The following USH2A variants were observed in gnomAD, a reference collection of about 807,000 sequenced individuals.
The protein encoded by USH2A is usherin, also known as Usher syndrome 2A (autosomal recessive, mild).
In USH2A, 443 loss-of-function variants were observed where a neutral mutation model predicts 538.9. That is an observed-to-expected ratio of 0.82 (90% confidence interval 0.76 to 0.89). USH2A has a LOEUF of 0.89. USH2A is among the 40% of genes least tolerant of loss of function. USH2A has a pLI of 0.00. For synonymous variants in USH2A, 2,413 were observed against 2,273.5 expected (o/e 1.06, Z -1.75); for missense variants, 6,633 against 6,324.8 (o/e 1.05, Z -1.65).
chr1:215,850,690 T>A (rs149679173), intron 44 of USH2A, among the ~76,000 whole-genome samples: 5 of 152,158 alleles, frequency 3.3e-5, no homozygotes, highest in Admixed American at 2.0e-4. Context: ...CTAGAACAAA[T>A]AGACTTAACA....
At chr1:216,138,302 T>C (rs1405344057) in intron 21 of USH2A, among the ~76,000 whole-genome samples, 2 of 152,134 alleles carry the variant, frequency 1.3e-5, no homozygotes, top group Admixed American at 1.3e-4. Context: ...AAATGCAGCA[T>C]TCAGTTGAAT....
chr1:215,648,878 G>A, intron 65 of USH2A, 112 bp from the exon 66 acceptor site: 5 of 1,025,524 alleles, frequency 4.9e-6, no homozygotes, highest in Non-Finnish European at 7.7e-6. Context: ...AGGCACTCTG[G>A]GAGACACAAC....
At chr1:216,234,129 G>A (rs1220504089) in intron 13 of USH2A, among the ~76,000 whole-genome samples, 1 of 152,046 alleles carries the variant, frequency 6.6e-6, no homozygotes, top group Non-Finnish European at 1.5e-5. Flanking sequence ...TATTATATAG[G>A]GAACAGCAAA....
rs562521679 is a variant in USH2A, at chr1:215,635,232, C to T, written c.15053-529G>A. On this transcript the variant is annotated intron_variant, in intron 69 of 71. Coordinates refer to ENST00000307340, the MANE Select transcript of USH2A (RefSeq NM_206933.4). ...TTTTGAAGCATCAGATTCCATTTTCCATTATGATATTAACAGCCTGTGTTT... is the reference window on the plus strand; with the variant it reads ...TTTTGAAGCATCAGATTCCATTTTCTATTATGATATTAACAGCCTGTGTTT... Among the ~76,000 whole-genome samples the T allele has an allele frequency of 1.5e-4, 23 of 152,278 alleles. 2 individuals are homozygous for T. The South Asian group carries it at 4.8e-3, about 32-fold the overall frequency.
intron 11 of USH2A, among the ~76,000 whole-genome samples, chr1:216,278,254 A>T (rs561039035): frequency 6.6e-6 from 1 of 152,272 alleles, no homozygotes; most frequent in Non-Finnish European, 1.5e-5. Flanking sequence ...GATGTATTCA[A>T]ACATGTGGAA....
chr1:216,260,519 C>T (rs533692344), intron 11 of USH2A, among the ~76,000 whole-genome samples: 110 of 152,234 alleles, frequency 7.2e-4, no homozygotes, highest in African/African-American at 2.5e-3. Flanking sequence ...GATATGTAGC[C>T]AGGGATTCTG....
At chr1:215,778,158 T>C (rs1427587532) in intron 55 of USH2A, among the ~76,000 whole-genome samples, 4 of 151,952 alleles carry the variant, frequency 2.6e-5, no homozygotes, top group African/African-American at 9.7e-5. Flanking sequence ...TTGGAGTGAT[T>C]CCCCTACCTC....
At chr1:215,979,103 G>T (rs1319483548) in intron 35 of USH2A, among the ~76,000 whole-genome samples, 1 of 152,156 alleles carries the variant, frequency 6.6e-6, no homozygotes, top group African/African-American at 2.4e-5. Flanking sequence ...GAAGGTGGAG[G>T]AGGAGCAAAG....
intron 38 of USH2A, among the ~76,000 whole-genome samples, chr1:215,923,870 T>C (rs926113794): frequency 7.0e-6 from 1 of 142,990 alleles, no homozygotes. Context: ...CACCCACTCA[T>C]TTTTTTTTTC....
At chr1:216,102,094 A>G (rs1244216903) in intron 21 of USH2A, among the ~76,000 whole-genome samples, 1 of 152,162 alleles carries the variant, frequency 6.6e-6, no homozygotes, top group African/African-American at 2.4e-5. Context: ...TTGGCTATCA[A>G]AAGGTATGAA....
Position 215,680,312 on chromosome 1 carries a change from A to C in USH2A, c.12131T>G (p.Val4044Gly), listed in dbSNP as rs564777507. The C allele has an allele frequency of 6.2e-7, 1 of 1,614,128 alleles. No individual in the cohort carries two copies. Among genetic ancestry groups the C allele is most frequent in the South Asian group, 1.1e-5 (1 of 91,088 alleles). ...AATTTCTCCTGCATGGTTTGCAGCCACAACACCAATGCGATATGTTGTGAA... is the reference window on the plus strand; with the variant it reads ...AATTTCTCCTGCATGGTTTGCAGCCCCAACACCAATGCGATATGTTGTGAA... ...EPFTTYRIGV[V>G]AANHAGEILS... The change falls in exon 62 of 72, where the codon GTG (valine) becomes GGG (glycine). Residue 4044 changes from valine (V) to glycine (G), a missense_variant. Coordinates refer to ENST00000307340, the MANE Select transcript of USH2A (RefSeq NM_206933.4).
intron 43 of USH2A, among the ~76,000 whole-genome samples, chr1:215,873,773 A>G (rs1475867269): frequency 1.3e-5 from 2 of 149,640 alleles, no homozygotes; most frequent in Non-Finnish European, 3.0e-5. Context: ...GAGGAATCAC[A>G]TAGAGGTCTC....
chr1:215,795,831 G>T (rs1414405261), intron 50 of USH2A, among the ~76,000 whole-genome samples: 1 of 152,104 alleles, frequency 6.6e-6, no homozygotes, highest in Admixed American at 6.6e-5. Context: ...ATGGTCTCAG[G>T]ATCCTTTTAT....
At chr1:215,892,921 C>T (rs1665244240) in intron 40 of USH2A, among the ~76,000 whole-genome samples, 1 of 152,072 alleles carries the variant, frequency 6.6e-6, no homozygotes, top group Non-Finnish European at 1.5e-5. Context: ...CTCTATTTCT[C>T]CTGATATCAG....
intron 21 of USH2A, among the ~76,000 whole-genome samples, chr1:216,105,580 T>C (rs888030101): frequency 3.3e-5 from 5 of 152,104 alleles, no homozygotes; most frequent in African/African-American, 1.2e-4. Context: ...TTTAATACTT[T>C]ATTCAATAGT....
chr1:215,680,936 AG>A lies in USH2A; in HGVS notation c.12067-561del, dbSNP rs201207331. Reference sequence around the variant, plus strand: ...AAATAAACACAAGAAAACAGTAACAAGCCAATTCAACTATACATGTACAAAC... The same window carrying A: ...AAATAAACACAAGAAAACAGTAACAACCAATTCAACTATACATGTACAAAC... On this transcript the variant is annotated intron_variant, in intron 61 of 71. Transcript: ENST00000307340. Among the ~76,000 whole-genome samples the A allele has an allele frequency of 4.6e-3, 695 of 152,302 alleles. 2 individuals are homozygous for A. The highest frequency in any genetic ancestry group is 6.9e-3 in the Non-Finnish European group (472 of 68,034).
At chr1:215,635,485 G>A (rs1394964499) in intron 69 of USH2A, among the ~76,000 whole-genome samples, 1 of 151,948 alleles carries the variant, frequency 6.6e-6, no homozygotes, top group Non-Finnish European at 1.5e-5. Context: ...CTGGTGCCAG[G>A]TCCTATGCTT....
intron 61 of USH2A, among the ~76,000 whole-genome samples, chr1:215,704,933 AG>A (rs1263810417): frequency 2.6e-5 from 4 of 152,192 alleles, no homozygotes; most frequent in Non-Finnish European, 2.9e-5. Context: ...GAACTCTTAG[AG>A]GACAGGGACT....
Position 215,888,510 on chromosome 1 carries a change from A to G in USH2A, c.8139T>C (p.Ala2713=), listed in dbSNP as rs1665124225. The change falls in exon 41 of 72, where the codon GCT becomes GCC. Residue 2713 remains alanine (A), a synonymous_variant. Coordinates refer to ENST00000307340, the MANE Select transcript of USH2A (RefSeq NM_206933.4). ...STLHGGTNSS[A]WVEVTTRPSR... is the part of the protein sequence containing the mutation. ...AGGGTCTTGTGGTAACTTCTACCCAAGCACTGCTGTTTGTGCCTCCATGAA... is the reference window on the plus strand; with the variant it reads ...AGGGTCTTGTGGTAACTTCTACCCAGGCACTGCTGTTTGTGCCTCCATGAA... 1 of 1,614,046 alleles carries G rather than the reference A, an allele frequency of 6.2e-7. No homozygotes were observed. Among genetic ancestry groups the G allele is most frequent in the African/African-American group, 1.3e-5 (1 of 74,934 alleles).
Sources: allele counts gnomAD v4.1 joint callset (sites outside exome capture counted in the v4.1 genomes callset), GRCh38; gene constraint gnomAD v4.1.1; transcripts MANE v1.5; gene names NCBI Gene and HGNC (gene_info 2026-07-23, HGNC 2026-07-21).